Variants in PCDH17 observed in about 807,000 individuals in gnomAD.
PCDH17 encodes the protein protocadherin-17.
In PCDH17, 21 loss-of-function variants were observed where a neutral mutation model predicts 67.7. That is an observed-to-expected ratio of 0.31 (90% CI 0.22 to 0.45). PCDH17 has a LOEUF of 0.45. PCDH17 is among the 20% of genes least tolerant of loss of function. The probability of loss-of-function intolerance (pLI) is 1.00; values close to 1 mark genes in which losing one functional copy is unlikely to be tolerated. For missense variants in PCDH17, 1,471 were observed against 1,564.8 expected (o/e 0.94, Z 1.01); for synonymous variants, 701 against 656.7 (o/e 1.07, Z -1.03).
intron 3 of PCDH17, among the ~76,000 whole-genome samples, chr13:57,704,430 A>G (rs747665104): frequency 1.3e-5 from 2 of 152,036 alleles, no homozygotes; most frequent in Non-Finnish European, 1.5e-5. Context: ...TGATAATATA[A>G]ACCATTTTTT....
intron 3 of PCDH17, among the ~76,000 whole-genome samples, chr13:57,703,211 A>G (rs1042659859): frequency 6.6e-6 from 1 of 152,180 alleles, no homozygotes; most frequent in African/African-American, 2.4e-5. Flanking sequence ...CATGACTTTG[A>G]ATATAATTTA....
At chr13:57,647,347 A>T (rs897318674) in intron 1 of PCDH17, among the ~76,000 whole-genome samples, 1 of 151,802 alleles carries the variant, frequency 6.6e-6, no homozygotes, top group Non-Finnish European at 1.5e-5. Context: ...ACCTGTTCTA[A>T]TTCTATTATT....
chr13:57,720,837 A>G (rs1482685609), intron 3 of PCDH17, among the ~76,000 whole-genome samples: 1 of 152,094 alleles, frequency 6.6e-6, no homozygotes, highest in South Asian at 2.1e-4. Context: ...CAAAAATGTC[A>G]TATAAATTAA....
At chr13:57,680,454 G>T (rs1302131811) in intron 3 of PCDH17, among the ~76,000 whole-genome samples, 4 of 151,564 alleles carry the variant, frequency 2.6e-5, no homozygotes, top group African/African-American at 7.3e-5. Context: ...TGGACCAAAA[G>T]AATTTGTTAG....
intron 1 of PCDH17, among the ~76,000 whole-genome samples, chr13:57,639,584 A>G (rs1954865703): frequency 6.6e-6 from 1 of 152,028 alleles, no homozygotes; most frequent in East Asian, 1.9e-4. Context: ...GTTTTCGATA[A>G]AATTTTCAAA....
At position 57,696,614 on chromosome 13, in the gene PCDH17, A is replaced by G. The variant is rs551792092; in HGVS notation, c.2798-27998A>G. 2.6e-5 allele frequency among the ~76,000 whole-genome samples: 4 copies of G among 151,644 alleles called. No individual in the cohort carries two copies. The East Asian group carries it at 7.7e-4, about 29-fold the overall frequency. On this transcript the variant is annotated intron_variant, in intron 3 of 3. Transcript: ENST00000377918. ...TGTCTTATATGGTATCCATTAAAAT[A>G]TACCATATTTTAAAATACATTTCAA...
In PCDH17 at chr13:57,725,355, C is replaced by A. The variant is rs1467174281; in HGVS notation, c.*61C>A. ...TCTCTTCTGTTGATTTAAAAATGAT[C>A]CCTCCTGGTGATAACCCATTTTACA... On this transcript the variant is annotated 3_prime_UTR_variant, in exon 4 of 4. Coordinates refer to ENST00000377918, the MANE Select transcript of PCDH17 (RefSeq NM_001040429.3). 4 of 1,449,438 alleles carry A rather than the reference C, an allele frequency of 2.8e-6. No homozygotes were observed. The highest frequency in any genetic ancestry group is 1.4e-5 in the African/African-American group (1 of 70,520). The allele number at this position is 1,449,438 out of a possible 1,614,324, so 89.8% of individuals were successfully genotyped here. A position where few individuals can be genotyped will look rare whatever the true frequency, so the allele number is the denominator to read the frequency against.
chr13:57,633,626 G>T lies in PCDH17; in HGVS notation c.1080G>T (p.Ala360=), dbSNP rs1158107479. Residue 360 remains alanine (A), a synonymous_variant, in exon 1 of 4, where the codon GCG becomes GCT. Transcript: ENST00000377918. The surrounding 1 kb of genome is among the most constrained non-coding windows in gnomAD (Gnocchi z 6.2). ...SIGFVSVRQG[A]LSEAAPPGTV... Reference sequence around the variant, plus strand: ...GTTTCGTCTCCGTGCGCCAGGGGGCGCTGAGCGAGGCCGCCCCTCCCGGCA... The same window carrying T: ...GTTTCGTCTCCGTGCGCCAGGGGGCTCTGAGCGAGGCCGCCCCTCCCGGCA... 1.2e-6 allele frequency: 2 copies of T among 1,610,240 alleles called. No homozygotes were observed. The highest frequency in any genetic ancestry group is 2.2e-5 in the East Asian group (1 of 44,832).
At chr13:57,701,120 CTTA>C (rs560964185) in intron 3 of PCDH17, among the ~76,000 whole-genome samples, 127 of 152,090 alleles carry the variant, frequency 8.4e-4, no homozygotes, top group Middle Eastern at 3.4e-3. Flanking sequence ...ATAAACCTTC[CTTA>C]TTATTTTCTT....
intron 1 of PCDH17, among the ~76,000 whole-genome samples, chr13:57,660,802 T>G (rs1955173093): frequency 1.3e-5 from 2 of 152,232 alleles, no homozygotes. Flanking sequence ...TTTTAAAGAT[T>G]GACTTTTTTC....
At chr13:57,682,283 T>C (rs1168089782) in intron 3 of PCDH17, among the ~76,000 whole-genome samples, 2 of 151,774 alleles carry the variant, frequency 1.3e-5, no homozygotes, top group African/African-American at 4.8e-5. Context: ...CTAGTTCTAC[T>C]TGAAATTTCT....
chr13:57,671,820 G>T (rs140551977), intron 3 of PCDH17, among the ~76,000 whole-genome samples: 1 of 152,080 alleles, frequency 6.6e-6, no homozygotes, highest in East Asian at 1.9e-4. Flanking sequence ...TGCAACCTGT[G>T]CCAGAAGTGG....
chr13:57,668,068 T>G (rs905004603), intron 3 of PCDH17, among the ~76,000 whole-genome samples: 7 of 151,802 alleles, frequency 4.6e-5, no homozygotes, highest in African/African-American at 7.2e-5. Context: ...ACTTTCTGTG[T>G]TAATAGTGCA....
Position 57,726,861 on chromosome 13 carries a change from T to C in PCDH17, c.*1567T>C, listed in dbSNP as rs1955919910. Reference sequence around the variant, plus strand: ...ATATTTTGAAAACATGAAAAATGCTTTAATGCATGTATGTACCAGCAGTGG... The same window carrying C: ...ATATTTTGAAAACATGAAAAATGCTCTAATGCATGTATGTACCAGCAGTGG... On this transcript the variant is annotated 3_prime_UTR_variant, in exon 4 of 4. Transcript: ENST00000377918. 1 of 152,438 alleles carries C rather than the reference T, an allele frequency of 6.6e-6. No individual in the cohort carries two copies. The highest frequency in any genetic ancestry group is 1.5e-5 in the Non-Finnish European group (1 of 68,024). The allele number at this position is 152,438 out of a possible 1,614,324, so 9.4% of individuals were successfully genotyped here.
intron 1 of PCDH17, among the ~76,000 whole-genome samples, chr13:57,656,774 G>A (rs1299432410): frequency 1.3e-5 from 2 of 152,162 alleles, no homozygotes; most frequent in African/African-American, 4.8e-5. Flanking sequence ...GGAAGACTAA[G>A]TTTTGAATAG....
chr13:57,647,202 C>T (rs1954975442), intron 1 of PCDH17, among the ~76,000 whole-genome samples: 1 of 151,702 alleles, frequency 6.6e-6, no homozygotes, highest in Non-Finnish European at 1.5e-5. Context: ...TTATATCAAA[C>T]CTTATAATCT....
Position 57,635,233 on chromosome 13 carries a change from A to T in PCDH17, c.2565+122A>T. The T allele has an allele frequency of 3.0e-6, 3 of 989,960 alleles. No homozygotes were observed. The Admixed American group carries it at 7.6e-5, about 25-fold the overall frequency. 61.3% of individuals were successfully genotyped at this position (989,960 alleles called of 1,614,324 possible). A position where few individuals can be genotyped will look rare whatever the true frequency, so the allele number is the denominator to read the frequency against. The stretch of plus-strand genomic sequence containing the variant: ...AGTGAGGGGGAAAAATAATTAAATG[A>T]AAACGGTTTACACTTTTGACACTGT... On this transcript the variant is annotated intron_variant, in intron 1 of 3. Coordinates refer to ENST00000377918, the MANE Select transcript of PCDH17 (RefSeq NM_001040429.3).
chr13:57,691,442 G>A (rs1309349803), intron 3 of PCDH17, among the ~76,000 whole-genome samples: 2 of 151,014 alleles, frequency 1.3e-5, no homozygotes, highest in African/African-American at 2.4e-5. Flanking sequence ...TAAATGATGG[G>A]ATAAAAACTA....
intron 3 of PCDH17, among the ~76,000 whole-genome samples, chr13:57,685,777 G>A (rs1317182560): frequency 6.6e-6 from 1 of 151,780 alleles, no homozygotes; most frequent in Non-Finnish European, 1.5e-5. Context: ...TAATAACTAA[G>A]GAAATCACAG....
Sources: gnomAD v4.1 joint callset for allele counts (sites outside exome capture counted in the v4.1 genomes callset) on GRCh38, gnomAD v4.1.1 for gene constraint, Gnocchi (gnomAD v3.1) non-coding constraint, MANE v1.5 for transcripts, NCBI Gene and HGNC (gene_info 2026-07-23, HGNC 2026-07-21) for gene names.